VPS41: variants seen among roughly 807,000 people sequenced by gnomAD.
The protein encoded by VPS41 is VPS41 subunit of HOPS complex.
A neutral mutation model predicts 130.9 loss-of-function variants in VPS41; 85 were observed. The ratio of observed to expected loss-of-function variants is 0.65; its 90% CI spans 0.55 to 0.78. VPS41 has a LOEUF of 0.78. VPS41 is among the 30% of genes least tolerant of loss of function. The pLI is 0.00. For synonymous variants in VPS41, 335 were observed against 332.9 expected, an observed-to-expected ratio of 1.01 and a Z score of -0.07; for missense variants, 874 against 1,018.7, an observed-to-expected ratio of 0.86 and a Z score of 1.93.
At chr7:38,871,310 C>T (rs1403707340) in intron 2 of VPS41, among the ~76,000 whole-genome samples, 1 of 152,212 alleles carries the variant, frequency 6.6e-6, no homozygotes, top group Non-Finnish European at 1.5e-5. Context: ...TAGGCAGAGA[C>T]TGCAAACTCA....
intron 7 of VPS41, among the ~76,000 whole-genome samples, chr7:38,802,587 C>T (rs928543183): frequency 9.9e-5 from 15 of 152,128 alleles, no homozygotes; most frequent in African/African-American, 3.1e-4. Flanking sequence ...GAATTTCAAG[C>T]AGAAACATAT....
chr7:38,823,559 A>C (rs1475821405), intron 5 of VPS41, among the ~76,000 whole-genome samples: 1 of 152,188 alleles, frequency 6.6e-6, no homozygotes, highest in Non-Finnish European at 1.5e-5. Context: ...ATTTCTTCTT[A>C]TTTTAATCTT....
intron 7 of VPS41, among the ~76,000 whole-genome samples, chr7:38,804,280 A>G (rs764297617): frequency 6.6e-5 from 10 of 152,152 alleles, no homozygotes; most frequent in Non-Finnish European, 1.2e-4. Context: ...TTTGTCACCC[A>G]GGTATTAAGC....
rs568717959 is a variant in VPS41 at position 38,836,561 on chromosome 7, T to C, written c.247-6233A>G. Among the ~76,000 whole-genome samples, 5 of 152,230 alleles carry C rather than the reference T, an allele frequency of 3.3e-5. No homozygotes were observed. The South Asian group carries it at 1.0e-3, about 32-fold the overall frequency. On this transcript the variant is annotated intron_variant, in intron 4 of 28. Transcript: ENST00000310301. ...ATAAGAAGTAATTATAGGTAAAGGATATTTACCCCATGTCATGCAGACTGC... is the reference window on the plus strand; with the variant it reads ...ATAAGAAGTAATTATAGGTAAAGGACATTTACCCCATGTCATGCAGACTGC...
intron 15 of VPS41, chr7:38,765,877 T>C (rs1299581584): frequency 7.2e-6 from 3 of 417,462 alleles, no homozygotes; most frequent in Non-Finnish European, 1.3e-5. Flanking sequence ...TAAAAGTTAA[T>C]ATAAAATGCT....
chr7:38,798,769 C>A (rs931653708), intron 7 of VPS41, among the ~76,000 whole-genome samples: 2 of 152,078 alleles, frequency 1.3e-5, no homozygotes, highest in Non-Finnish European at 2.9e-5. Context: ...GACACAGCAT[C>A]GAATTCCTTT....
intron 4 of VPS41, among the ~76,000 whole-genome samples, chr7:38,837,702 T>C (rs1785525401): frequency 6.6e-6 from 1 of 152,210 alleles, no homozygotes. Context: ...AATCTTGAAG[T>C]TTGGTTAACT....
chr7:38,732,307 T>C (rs1310347877), intron 25 of VPS41, among the ~76,000 whole-genome samples: 1 of 152,192 alleles, frequency 6.6e-6, no homozygotes, highest in Non-Finnish European at 1.5e-5. Context: ...AGTAAATACC[T>C]AGGAGTGAAA....
At chr7:38,785,444 G>A (rs1784421833) in intron 10 of VPS41, among the ~76,000 whole-genome samples, 1 of 151,934 alleles carries the variant, frequency 6.6e-6, no homozygotes, top group Non-Finnish European at 1.5e-5. Context: ...AACAAATTTA[G>A]TTTGCAATTT....
At chr7:38,844,909 C>G (rs749015300) in intron 4 of VPS41, among the ~76,000 whole-genome samples, 8 of 152,144 alleles carry the variant, frequency 5.3e-5, no homozygotes, top group African/African-American at 9.7e-5. Flanking sequence ...GTAAAAGGCT[C>G]AGATATTCAC....
intron 1 of VPS41, among the ~76,000 whole-genome samples, chr7:38,903,631 T>C (rs1438443242): frequency 6.6e-6 from 1 of 152,194 alleles, no homozygotes; most frequent in Non-Finnish European, 1.5e-5. Flanking sequence ...CAACAAACTA[T>C]GCGCCCTAGC....
intron 7 of VPS41, among the ~76,000 whole-genome samples, chr7:38,812,810 A>G (rs996808159): frequency 2.6e-5 from 4 of 152,308 alleles, no homozygotes; most frequent in Non-Finnish European, 4.4e-5. Context: ...CAGTCATTAG[A>G]AGAAAGTCAA....
intron 18 of VPS41, among the ~76,000 whole-genome samples, chr7:38,758,089 C>G (rs1416556370): frequency 6.6e-6 from 1 of 152,082 alleles, no homozygotes; most frequent in Admixed American, 6.5e-5. Flanking sequence ...AACTTGGCAC[C>G]CTTTTGTTTC....
rs374652640 is a variant in VPS41, at chr7:38,906,350, T to C, written c.21+2804A>G. On this transcript the variant is annotated intron_variant, in intron 1 of 28. Transcript: ENST00000310301. ...CTGCTGGGTTTTTTTTTGTTTGTTT[T>C]TCGTTTTTTTTTTAAACAGGGTCTT... Among the ~76,000 whole-genome samples, 38 of 152,092 alleles carry C rather than the reference T, an allele frequency of 2.5e-4. 1 individual carries two copies. The highest frequency in any genetic ancestry group is 7.7e-4 in the African/African-American group (32 of 41,426).
chr7:38,835,465 A>G (rs1004321189), intron 4 of VPS41, among the ~76,000 whole-genome samples: 1 of 151,970 alleles, frequency 6.6e-6, no homozygotes, highest in African/African-American at 2.4e-5. Flanking sequence ...GAGAAAAGTA[A>G]CATTTTGTTT....
At chr7:38,731,737 T>C (rs1795666454) in intron 25 of VPS41, among the ~76,000 whole-genome samples, 1 of 152,078 alleles carries the variant, frequency 6.6e-6, no homozygotes. Flanking sequence ...ATCTGAGCAC[T>C]ATCTTTCATT....
intron 1 of VPS41, among the ~76,000 whole-genome samples, chr7:38,908,519 A>G (rs1584458383): frequency 1.2e-5 from 1 of 86,618 alleles, no homozygotes; most frequent in Non-Finnish European, 3.8e-5. Context: ...AACTTTGTGT[A>G]TAAACTCCTC....
intron 8 of VPS41, among the ~76,000 whole-genome samples, chr7:38,796,118 A>G (rs1398025741): frequency 6.6e-6 from 1 of 152,234 alleles, no homozygotes; most frequent in African/African-American, 2.4e-5. Context: ...AGAAGTAAGA[A>G]AAGTCCAGAA....
intron 2 of VPS41, among the ~76,000 whole-genome samples, chr7:38,891,792 T>TA (rs201832796): frequency 0.019 from 2,831 of 152,286 alleles, 94 homozygotes; most frequent in African/African-American, 0.064. Context: ...GTTATATGAC[T>TA]AAACCTTTAT....
Sources: gnomAD v4.1 joint callset for allele counts (sites outside exome capture counted in the v4.1 genomes callset) on GRCh38, gnomAD v4.1.1 for gene constraint, MANE v1.5 for transcripts, NCBI Gene and HGNC (gene_info 2026-07-23, HGNC 2026-07-21) for gene names.